MB21D2: variants seen among roughly 807,000 people sequenced by gnomAD.
MB21D2 encodes Mab-21 domain containing 2.
Under a neutral mutation model 33.3 loss-of-function variants are expected in MB21D2, and 9 were observed. The observed-to-expected ratio is 0.27, with a 90% CI of 0.16 to 0.47. The LOEUF (loss-of-function observed/expected upper bound fraction) is 0.47, where lower values mean the gene tolerates loss of function less well. MB21D2 is among the 20% of genes least tolerant of loss of function. MB21D2 has a pLI of 0.99. For synonymous variants in MB21D2, 241 were observed against 236.3 expected, an observed-to-expected ratio of 1.02 and a Z score of -0.18; for missense variants, 540 against 624.6, an observed-to-expected ratio of 0.86 and a Z score of 1.44.
chr3:192,805,446 T>C (rs1267712694), intron 1 of MB21D2, among the ~76,000 whole-genome samples: 1 of 152,258 alleles, frequency 6.6e-6, no homozygotes, highest in African/African-American at 2.4e-5. Flanking sequence ...TTGCATAATT[T>C]GAGACAACTG....
intron 1 of MB21D2, among the ~76,000 whole-genome samples, chr3:192,872,125 A>T (rs1003530854): frequency 1.2e-4 from 18 of 152,342 alleles, no homozygotes; most frequent in Admixed American, 1.1e-3. Flanking sequence ...GATAAAGAAA[A>T]GTTTACTCGT....
At position 192,798,302 on chromosome 3, in the gene MB21D2, G is replaced by A; in HGVS notation, c.*84C>T. 6.8e-7 allele frequency: 1 copy of A among 1,466,898 alleles called. No individual in the cohort carries two copies. Among genetic ancestry groups the A allele is most frequent in the Non-Finnish European group, 9.3e-7 (1 of 1,080,056 alleles). The allele number at this position is 1,466,898 out of a possible 1,614,324, so 90.9% of individuals were successfully genotyped here. On this transcript the variant is annotated 3_prime_UTR_variant, in exon 2 of 2. Coordinates refer to ENST00000392452, the MANE Select transcript of MB21D2 (RefSeq NM_178496.4). This position sits in a 1 kb window ranked among gnomAD's most constrained non-coding sequence, Gnocchi z 4.8. Reference sequence around the variant, plus strand: ...AACAAATCCAATCTAGGCTGGATATGTAAAAAACAGAAAGATAGCATCACA... The same window carrying A: ...AACAAATCCAATCTAGGCTGGATATATAAAAAACAGAAAGATAGCATCACA...
At chr3:192,866,230 G>T (rs961772864) in intron 1 of MB21D2, among the ~76,000 whole-genome samples, 17 of 152,048 alleles carry the variant, frequency 1.1e-4, no homozygotes, top group Admixed American at 3.3e-4. Flanking sequence ...AAATGCTCAG[G>T]TTAGGAAAAC....
rs74950984 is a variant in MB21D2 at position 192,865,060 on chromosome 3, A to G, written c.211+52570T>C. ...TTCATTTCTCCTCAATCTGGCCTACAGAGAAGGGAGAGGCTGAAATGAAAG... is the reference window on the plus strand; with the variant it reads ...TTCATTTCTCCTCAATCTGGCCTACGGAGAAGGGAGAGGCTGAAATGAAAG... On this transcript the variant is annotated intron_variant, in intron 1 of 1. Transcript: ENST00000392452. 5.3e-3 allele frequency among the ~76,000 whole-genome samples: 802 copies of G among 152,328 alleles called. 8 individuals carry two copies. The highest frequency in any genetic ancestry group is 0.018 in the African/African-American group (766 of 41,566).
chr3:192,850,171 G>A (rs1173483442), intron 1 of MB21D2, among the ~76,000 whole-genome samples: 1 of 152,106 alleles, frequency 6.6e-6, no homozygotes, highest in African/African-American at 2.4e-5. Context: ...ACCCGCCTCG[G>A]CCTCCCAAAG....
At chr3:192,879,686 C>G (rs953584388) in intron 1 of MB21D2, among the ~76,000 whole-genome samples, 82 of 152,266 alleles carry the variant, frequency 5.4e-4, no homozygotes, top group African/African-American at 2.0e-3. Flanking sequence ...TCTTAATCAA[C>G]TTTTAGGCAG....
chr3:192,884,598 A>C (rs1480917502), intron 1 of MB21D2, among the ~76,000 whole-genome samples: 2 of 151,894 alleles, frequency 1.3e-5, no homozygotes, highest in African/African-American at 2.4e-5. Context: ...TGATCTCCTG[A>C]CCTCGTGATC....
intron 1 of MB21D2, among the ~76,000 whole-genome samples, chr3:192,913,814 G>A (rs559502534): frequency 3.9e-5 from 6 of 152,142 alleles, no homozygotes; most frequent in Admixed American, 1.3e-4. Context: ...GCTGGGCAAC[G>A]GAGCAAGATC....
At chr3:192,803,522 T>G (rs1439309023) in intron 1 of MB21D2, among the ~76,000 whole-genome samples, 3 of 152,156 alleles carry the variant, frequency 2.0e-5, no homozygotes, top group African/African-American at 7.2e-5. Context: ...AGCCCATTAG[T>G]CTGCAATTTT....
chr3:192,846,216 C>A (rs148027716), intron 1 of MB21D2, among the ~76,000 whole-genome samples: 201 of 152,276 alleles, frequency 1.3e-3, no homozygotes, highest in African/African-American at 4.5e-3. Context: ...TGTTATAAAA[C>A]TTACATAGTG....
intron 1 of MB21D2, among the ~76,000 whole-genome samples, chr3:192,906,120 A>C (rs977238403): frequency 5.3e-5 from 8 of 152,214 alleles, no homozygotes; most frequent in Non-Finnish European, 8.8e-5. Flanking sequence ...CATCCCATGA[A>C]AGCTGCAGTT....
rs71177380 is a variant in MB21D2 at position 192,840,415 on chromosome 3, CTTTTTTTT to C, written c.212-40773_212-40766del. Among the ~76,000 whole-genome samples, 448 of 88,340 alleles carry C rather than the reference CTTTTTTTT, an allele frequency of 5.1e-3. 2 individuals carry two copies. Among genetic ancestry groups the C allele is most frequent in the South Asian group, 0.036 (80 of 2,236 alleles). 58.0% of individuals were successfully genotyped at this position (88,340 alleles called of 152,430 possible). A position where few individuals can be genotyped will look rare whatever the true frequency, so the allele number is the denominator to read the frequency against. ...TGACAAAGACTTTTTTCTCTTTTTT[CTTTTTTTT>C]TTTTTTTTTTTTTTTTTGCTTTTCC... is the stretch of plus-strand genomic sequence containing the variant. On this transcript the variant is annotated intron_variant, in intron 1 of 1. Coordinates refer to ENST00000392452, the MANE Select transcript of MB21D2 (RefSeq NM_178496.4).
intron 1 of MB21D2, among the ~76,000 whole-genome samples, chr3:192,899,717 CAT>C: frequency 6.6e-6 from 1 of 152,024 alleles, no homozygotes; most frequent in East Asian, 1.9e-4. Context: ...GAGAAGAAAA[CAT>C]AGTCCAAAAA....
chr3:192,814,151 AATG>A (rs931006225), intron 1 of MB21D2, among the ~76,000 whole-genome samples: 5 of 152,184 alleles, frequency 3.3e-5, no homozygotes, highest in South Asian at 2.1e-4. Context: ...TTTGAAAAAT[AATG>A]ATATGTTAAT....
intron 1 of MB21D2, among the ~76,000 whole-genome samples, chr3:192,866,613 T>A (rs1713173840): frequency 6.6e-6 from 1 of 152,222 alleles, no homozygotes; most frequent in African/African-American, 2.4e-5. Context: ...TAATTCTGAA[T>A]TAATTTATTC....
chr3:192,828,379 G>C (rs1334542816), intron 1 of MB21D2, among the ~76,000 whole-genome samples: 1 of 151,330 alleles, frequency 6.6e-6, no homozygotes, highest in African/African-American at 2.4e-5. Context: ...GTGTGCTCTA[G>C]AATGGGACAG....
chr3:192,853,572 C>G (rs1371025804), intron 1 of MB21D2, among the ~76,000 whole-genome samples: 2 of 152,060 alleles, frequency 1.3e-5, no homozygotes, highest in Non-Finnish European at 2.9e-5. Context: ...ATGACCCAAA[C>G]AGAAAAATAG....
intron 1 of MB21D2, among the ~76,000 whole-genome samples, chr3:192,893,717 A>G (rs987974752): frequency 1.3e-5 from 2 of 152,180 alleles, no homozygotes; most frequent in South Asian, 2.1e-4. Context: ...AAACCAGTGC[A>G]TGATTCCCGT....
chr3:192,889,524 C>A (rs1713805896), intron 1 of MB21D2, among the ~76,000 whole-genome samples: 1 of 152,090 alleles, frequency 6.6e-6, no homozygotes, highest in Non-Finnish European at 1.5e-5. Context: ...GCTCCAGCAG[C>A]ATTTCCCTGA....
Sources: gnomAD v4.1 joint callset for allele counts (sites outside exome capture counted in the v4.1 genomes callset) on GRCh38, gnomAD v4.1.1 for gene constraint, Gnocchi (gnomAD v3.1) non-coding constraint, MANE v1.5 for transcripts, NCBI Gene and HGNC (gene_info 2026-07-23, HGNC 2026-07-21) for gene names.